Variants in HIBADH observed in about 807,000 individuals in gnomAD.
The protein encoded by HIBADH is 3-hydroxyisobutyrate dehydrogenase.
Under a neutral mutation model 36.1 loss-of-function variants are expected in HIBADH, and 25 were observed. The observed-to-expected ratio is 0.69, with a 90% confidence interval of 0.50 to 0.97. The LOEUF (loss-of-function observed/expected upper bound fraction) is 0.97, where lower values mean the gene tolerates loss of function less well. HIBADH is among the 50% of genes least tolerant of loss of function. The pLI, the probability that HIBADH is intolerant of heterozygous loss-of-function variation, is 0.00. For missense variants in HIBADH, 421 were observed against 418.0 expected (o/e 1.01, Z -0.06); for synonymous variants, 160 against 149.5 (o/e 1.07, Z -0.51).
At chr7:27,536,322 CTT>C (rs1562613154) in intron 6 of HIBADH, among the ~76,000 whole-genome samples, 1 of 152,006 alleles carries the variant, frequency 6.6e-6, no homozygotes, top group Non-Finnish European at 1.5e-5. Context: ...ACACTAGAAA[CTT>C]ATAAATTATT....
intron 4 of HIBADH, among the ~76,000 whole-genome samples, chr7:27,567,325 AG>A (rs1784560018): frequency 6.6e-6 from 1 of 152,162 alleles, no homozygotes; most frequent in African/African-American, 2.4e-5. Context: ...TGTTTTGACT[AG>A]TATTTACATG....
At chr7:27,650,246 CCA>C (rs1361496585) in intron 1 of HIBADH, among the ~76,000 whole-genome samples, 1 of 150,164 alleles carries the variant, frequency 6.7e-6, no homozygotes, top group Admixed American at 6.7e-5. Flanking sequence ...CTTCCCACTC[CCA>C]CAGTTACAGA....
At chr7:27,649,270 G>T in intron 2 of HIBADH, 1 of 415,358 alleles carries the variant, frequency 2.4e-6, no homozygotes, top group Non-Finnish European at 4.2e-6. Flanking sequence ...ACCTGCCAAA[G>T]AATAGATACC....
intron 4 of HIBADH, among the ~76,000 whole-genome samples, chr7:27,555,323 T>A (rs1224287236): frequency 2.1e-5 from 3 of 142,338 alleles, no homozygotes; most frequent in Non-Finnish European, 4.7e-5. Flanking sequence ...TTTTTTTTTT[T>A]AAATAAAGAC....
chr7:27,650,712 TAAAAAAA>T (rs59073946), intron 1 of HIBADH, among the ~76,000 whole-genome samples: 1 of 126,288 alleles, frequency 7.9e-6, no homozygotes, highest in African/African-American at 2.9e-5. Flanking sequence ...AGGCTGCCAT[TAAAAAAA>T]AAAAAAAAAA....
intron 4 of HIBADH, among the ~76,000 whole-genome samples, chr7:27,603,243 TAG>T (rs1451591467): frequency 3.9e-5 from 6 of 152,168 alleles, no homozygotes; most frequent in Non-Finnish European, 8.8e-5. Context: ...CCAGAATCCA[TAG>T]TGTTAAAACT....
At chr7:27,659,899 T>A (rs1337866260) in intron 1 of HIBADH, among the ~76,000 whole-genome samples, 1 of 151,992 alleles carries the variant, frequency 6.6e-6, no homozygotes. Context: ...AAAAAACATT[T>A]TTTTTTAAAT....
At position 27,594,144 on chromosome 7, in the gene HIBADH, G is replaced by A. The variant is rs1249517883; in HGVS notation, c.484+35227C>T. On this transcript the variant is annotated intron_variant, in intron 4 of 7. Coordinates refer to ENST00000265395, the MANE Select transcript of HIBADH (RefSeq NM_152740.4). ...TAGGTTGTTACATAAAGATGTTTTT[G>A]TTTTTTTGTTTTTTTTCTGAAACAG... 9.0e-3 allele frequency among the ~76,000 whole-genome samples: 497 copies of A among 55,440 alleles called. 9 individuals are homozygous for A. The highest frequency in any genetic ancestry group is 0.053 in the African/African-American group (469 of 8,816). The allele number at this position is 55,440 out of a possible 152,430, so 36.4% of individuals were successfully genotyped here.
At chr7:27,568,683 C>T (rs746420667) in intron 4 of HIBADH, among the ~76,000 whole-genome samples, 2 of 152,080 alleles carry the variant, frequency 1.3e-5, no homozygotes, top group Admixed American at 6.5e-5. Flanking sequence ...GTTGGCCAGG[C>T]TGGTCTCAAA....
chr7:27,618,416 A>C (rs961724), intron 4 of HIBADH, among the ~76,000 whole-genome samples: 120,828 of 152,180 alleles, frequency 0.79, 48,368 homozygotes, highest in East Asian at 0.97. Flanking sequence ...TTGCAGCCAC[A>C]ACCAGTATCG....
intron 4 of HIBADH, among the ~76,000 whole-genome samples, chr7:27,571,055 C>T (rs1468770317): frequency 1.3e-5 from 2 of 151,982 alleles, no homozygotes; most frequent in Non-Finnish European, 2.9e-5. Context: ...CCATTTCCAA[C>T]TCTTTCTGTA....
intron 4 of HIBADH, among the ~76,000 whole-genome samples, chr7:27,566,425 G>T (rs1784549671): frequency 6.6e-6 from 1 of 151,736 alleles, no homozygotes; most frequent in Admixed American, 6.6e-5. Context: ...TGTCAATTGA[G>T]TTCCTTACAG....
chr7:27,627,130 G>A (rs1002998496), intron 4 of HIBADH, among the ~76,000 whole-genome samples: 1 of 152,064 alleles, frequency 6.6e-6, no homozygotes, highest in African/African-American at 2.4e-5. Flanking sequence ...AGGGTCATGC[G>A]GCATGCTGAC....
intron 4 of HIBADH, among the ~76,000 whole-genome samples, chr7:27,585,265 A>ATATACACACGTG (rs1562631591): frequency 0.029 from 1,385 of 47,988 alleles, 8 homozygotes; most frequent in Non-Finnish European, 0.037. Flanking sequence ...ACACGTGTGT[A>ATATACACACGTG]TGTATGTGTA....
chr7:27,655,667 A>G (rs1448590844), intron 1 of HIBADH, among the ~76,000 whole-genome samples: 1 of 152,216 alleles, frequency 6.6e-6, no homozygotes, highest in Admixed American at 6.5e-5. Flanking sequence ...ATGTAAAATA[A>G]CTTTACAATC....
At chr7:27,642,713 G>A (rs1379154361) in intron 2 of HIBADH, among the ~76,000 whole-genome samples, 10 of 141,000 alleles carry the variant, frequency 7.1e-5, no homozygotes, top group South Asian at 2.2e-4. Context: ...GTGCAGTGGC[G>A]GGATCTCGGC....
At chr7:27,567,694 A>G (rs1309705502) in intron 4 of HIBADH, among the ~76,000 whole-genome samples, 2 of 62,708 alleles carry the variant, frequency 3.2e-5, no homozygotes, top group Non-Finnish European at 2.9e-5. Flanking sequence ...TACAATATAC[A>G]TACTAAAGTT....
chr7:27,600,782 A>G (rs575296878), intron 4 of HIBADH, among the ~76,000 whole-genome samples: 1 of 152,252 alleles, frequency 6.6e-6, no homozygotes, highest in Non-Finnish European at 1.5e-5. Context: ...TATAGTAACA[A>G]AAATACTGGT....
chr7:27,656,507 C>G (rs1460238880), intron 1 of HIBADH, among the ~76,000 whole-genome samples: 1 of 151,860 alleles, frequency 6.6e-6, no homozygotes, highest in African/African-American at 2.4e-5. Context: ...GAAAAAATCT[C>G]CAGGATAAGT....
Sources: gnomAD v4.1 joint callset for allele counts (sites outside exome capture counted in the v4.1 genomes callset) on GRCh38, gnomAD v4.1.1 for gene constraint, MANE v1.5 for transcripts, NCBI Gene and HGNC (gene_info 2026-07-23, HGNC 2026-07-21) for gene names.